KIAA2013: variants seen among roughly 807,000 people sequenced by gnomAD.
KIAA2013 encodes the protein KIAA2013.
In KIAA2013, 20 loss-of-function variants were observed where a neutral mutation model predicts 39.9. The ratio of observed to expected loss-of-function variants is 0.50; its 90% confidence interval spans 0.35 to 0.73. The LOEUF (loss-of-function observed/expected upper bound fraction) is 0.73. Among genes scored for constraint, KIAA2013 ranks in the 30% least tolerant of loss-of-function variants. The pLI, the probability that KIAA2013 is intolerant of heterozygous loss-of-function variation, is 0.01. For missense variants in KIAA2013, 587 were observed against 856.1 expected, an observed-to-expected ratio of 0.69 and a Z score of 3.92; for synonymous variants, 336 against 416.6, an observed-to-expected ratio of 0.81 and a Z score of 2.35.
chr1:11,920,571 G>A (rs1645468185), intron 2 of KIAA2013, among the ~76,000 whole-genome samples: 1 of 152,168 alleles, frequency 6.6e-6, no homozygotes, highest in Non-Finnish European at 1.5e-5. Flanking sequence ...CCCCATGAAG[G>A]TAGTTTGGCT....
intron 2 of KIAA2013, 80 bp downstream of exon 2, chr1:11,922,556 C>A (rs529579311): frequency 6.4e-7 from 1 of 1,569,624 alleles, no homozygotes; most frequent in Non-Finnish European, 8.6e-7. Flanking sequence ...CACCCCCCCT[C>A]GCCAGGCTAG....
At position 11,925,632 on chromosome 1, in the gene KIAA2013, G is replaced by A; in HGVS notation, c.606C>T (p.Tyr202=). 4 of 1,609,314 alleles carry A rather than the reference G, an allele frequency of 2.5e-6. No individual in the cohort carries two copies. The highest frequency in any genetic ancestry group is 3.4e-6 in the Non-Finnish European group (4 of 1,179,286). Residue 202 remains tyrosine, a synonymous_variant, in exon 1 of 3, where the codon TAC becomes TAT. Transcript: ENST00000376572. The surrounding 1 kb of genome is among the most constrained non-coding windows in gnomAD (Gnocchi z 5.2). ...FLAHRGRPHV[Y]LQRIQLNNPT... Reference sequence around the variant, plus strand: ...GGTTGTTGAGCTGGATGCGCTGCAGGTAGACGTGGGGTCGGCCCCTGTGCG... The same window carrying A: ...GGTTGTTGAGCTGGATGCGCTGCAGATAGACGTGGGGTCGGCCCCTGTGCG...
intron 1 of KIAA2013, among the ~76,000 whole-genome samples, chr1:11,924,869 T>G (rs1645496713): frequency 6.6e-6 from 1 of 152,066 alleles, no homozygotes; most frequent in South Asian, 2.1e-4. Context: ...CACCTGCTGG[T>G]TTCACCTCTG....
intron 1 of KIAA2013, among the ~76,000 whole-genome samples, chr1:11,924,314 C>A (rs1338667215): frequency 3.4e-5 from 5 of 147,336 alleles, no homozygotes; most frequent in Non-Finnish European, 6.0e-5. Context: ...TTGGCTTGAA[C>A]TCCTGACCTC....
At position 11,925,596 on chromosome 1, in the gene KIAA2013, G is replaced by A; in HGVS notation, c.642C>T (p.Arg214=). Residue 214 remains arginine, a synonymous_variant, in exon 1 of 3, where the codon CGC becomes CGT. Coordinates refer to ENST00000376572, the MANE Select transcript of KIAA2013 (RefSeq NM_138346.3). This position sits in a 1 kb window ranked among gnomAD's most constrained non-coding sequence, Gnocchi z 5.2. ...QRIQLNNPTE[R]VAALQTVGPT... The stretch of plus-strand genomic sequence containing the variant: ...GCCCCACAGTCTGCAGCGCGGCCAC[G>A]CGCTCCGTGGGGTTGTTGAGCTGGA... 1 of 1,609,700 alleles carries A rather than the reference G, an allele frequency of 6.2e-7. No individual in the cohort carries two copies. The highest frequency in any genetic ancestry group is 8.5e-7 in the Non-Finnish European group (1 of 1,179,344).
Position 11,925,780 on chromosome 1 carries a change from C to A in KIAA2013, c.458G>T (p.Arg153Leu). ...LLREGLLRRV[R>L]CLQLGSPGPG... ...ACCTGGGGACCCCAGCTGCAGGCAA[C>A]GCACGCGGCGCAGAAGCCCCTCCCG... is the stretch of plus-strand genomic sequence containing the variant. Residue 153 changes from arginine (R) to leucine (L), a missense_variant, in exon 1 of 3, where the codon CGT (arginine) becomes CTT (leucine). Arg to Leu is a moderately radical substitution (Grantham distance 102). Coordinates refer to ENST00000376572, the MANE Select transcript of KIAA2013 (RefSeq NM_138346.3). This position sits in a 1 kb window ranked among gnomAD's most constrained non-coding sequence, Gnocchi z 5.2. 6.5e-7 allele frequency: 1 copy of A among 1,543,688 alleles called. No individual in the cohort carries two copies. The highest frequency in any genetic ancestry group is 8.7e-7 in the Non-Finnish European group (1 of 1,152,464).
chr1:11,921,560 A>C (rs1451839031), intron 2 of KIAA2013, among the ~76,000 whole-genome samples: 1 of 150,836 alleles, frequency 6.6e-6, no homozygotes, highest in Non-Finnish European at 1.5e-5. Flanking sequence ...TTTATTTTTT[A>C]TTTTTTTGAG....
rs1645489943 is a variant in KIAA2013 at position 11,923,905 on chromosome 1, C to T, written c.1034-416G>A. On this transcript the variant is annotated intron_variant, in intron 1 of 2. Transcript: ENST00000376572. The surrounding 1 kb of genome is among the most constrained non-coding windows in gnomAD (Gnocchi z 4.6). The stretch of plus-strand genomic sequence containing the variant: ...TTATTTGTTTATTGAGACAGAGTCT[C>T]ACTGTGTTGCCCAGGCTTGAGTGCA... 1.3e-5 allele frequency among the ~76,000 whole-genome samples: 2 copies of T among 152,174 alleles called. No individual in the cohort carries two copies. The highest frequency in any genetic ancestry group is 4.1e-4 in the South Asian group (2 of 4,828).
Position 11,925,760 on chromosome 1 carries a change from G to A in KIAA2013, c.478C>T (p.Pro160Ser). Residue 160 changes from proline (P) to serine (S), a missense_variant, in exon 1 of 3, where the codon CCA (proline) becomes TCA (serine). Physicochemically the swap from Pro to Ser is moderately conservative, Grantham distance 74. Coordinates refer to ENST00000376572, the MANE Select transcript of KIAA2013 (RefSeq NM_138346.3). The surrounding 1 kb of genome is among the most constrained non-coding windows in gnomAD (Gnocchi z 5.2). ...CCGGCGGCCACGGGGCCAGGACCTG[G>A]GGACCCCAGCTGCAGGCAACGCACG... ...RRVRCLQLGS[P>S]GPGPVAAGPG... 6.5e-7 allele frequency: 1 copy of A among 1,546,104 alleles called. No homozygotes were observed. Among genetic ancestry groups the A allele is most frequent in the Non-Finnish European group, 8.7e-7 (1 of 1,153,550 alleles).
chr1:11,926,394 C>A lies in KIAA2013; in HGVS notation c.-157G>T, dbSNP rs1557474142. ...GCAGCAGCCGCCACCCCTGCTTCCT[C>A]CTTCTTCTCGGTGGCCTCCAGCCGT... On this transcript the variant is annotated 5_prime_UTR_variant, in exon 1 of 3. Coordinates refer to ENST00000376572, the MANE Select transcript of KIAA2013 (RefSeq NM_138346.3). 5.6e-6 allele frequency: 1 copy of A among 177,904 alleles called. No homozygotes were observed. Among genetic ancestry groups the A allele is most frequent in the South Asian group, 1.7e-4 (1 of 6,000 alleles). The allele number at this position is 177,904 out of a possible 1,614,324, so 11.0% of individuals were successfully genotyped here. A position where few individuals can be genotyped will look rare whatever the true frequency, so the allele number is the denominator to read the frequency against.
rs1569634800 is a variant in KIAA2013, at chr1:11,922,972, A to G, written c.1551T>C (p.Pro517=). ...LHVSVESRGQ[P]VKIYACKAGC... ...CTGCCTTGCAGGCATAGATCTTGACAGGCTGGCCACGGGACTCCACGGACA... is the reference window on the plus strand; with the variant it reads ...CTGCCTTGCAGGCATAGATCTTGACGGGCTGGCCACGGGACTCCACGGACA... The change falls in exon 2 of 3, where the codon CCT becomes CCC. Residue 517 remains proline (P), a synonymous_variant. Transcript: ENST00000376572. 6.2e-7 allele frequency: 1 copy of G among 1,612,460 alleles called. No homozygotes were observed. Among genetic ancestry groups the G allele is most frequent in the South Asian group, 1.1e-5 (1 of 91,042 alleles).
chr1:11,922,574 C>A lies in KIAA2013; in HGVS notation c.1887+62G>T, dbSNP rs80338593. On this transcript the variant is annotated intron_variant, in intron 2 of 2. Coordinates refer to ENST00000376572, the MANE Select transcript of KIAA2013 (RefSeq NM_138346.3). ...CCCCCCTCGCCAGGCTAGCCCCTTC[C>A]GAGACACAGGGCTGAGAGCAAGGCC... The A allele has an allele frequency of 1.9e-6, 3 of 1,589,008 alleles. No individual in the cohort carries two copies. The Admixed American group carries it at 5.4e-5, about 29-fold the overall frequency.
At position 11,926,182 on chromosome 1, in the gene KIAA2013, GC is replaced by G; in HGVS notation, c.55del (p.Ala19ProfsTer91). On this transcript the variant is annotated frameshift_variant, in exon 1 of 3. Transcript: ENST00000376572. LOFTEE classifies it high-confidence loss of function. ...GCCAAGCAGGCAGAGGAGGCGGCGG[GC>G]CCAGCTGCTCGACAGCAGTCCCGGC... ...GLPGLLSSSW[A>X]RRLLCLLGLL... The G allele has an allele frequency of 7.2e-7, 1 of 1,383,144 alleles. No homozygotes were observed. The highest frequency in any genetic ancestry group is 9.4e-7 in the Non-Finnish European group (1 of 1,060,200). 85.7% of individuals were successfully genotyped at this position (1,383,144 alleles called of 1,614,324 possible).
At chr1:11,924,850 CAG>C (rs1314967553) in intron 1 of KIAA2013, among the ~76,000 whole-genome samples, 2 of 152,276 alleles carry the variant, frequency 1.3e-5, no homozygotes, top group South Asian at 2.1e-4. Context: ...AGCAAAGAAT[CAG>C]GGGATCCACC....
chr1:11,921,549 A>T (rs9787351), intron 2 of KIAA2013, among the ~76,000 whole-genome samples: 10,330 of 151,052 alleles, frequency 0.068, 448 homozygotes, highest in South Asian at 0.13. Context: ...ATTATTTATT[A>T]TTTATTTTTT....
In KIAA2013 at chr1:11,925,241, C is replaced by T; in HGVS notation, c.997G>A (p.Asp333Asn). 1.2e-6 allele frequency: 2 copies of T among 1,602,922 alleles called. No homozygotes were observed. The highest frequency in any genetic ancestry group is 8.5e-7 in the Non-Finnish European group (1 of 1,173,924). Reference sequence around the variant, plus strand: ...AGCTGAGCCCAGAGGAGCTGGTGGTCTTGAAGCAGCTCCGCCGCTGGCATG... The same window carrying T: ...AGCTGAGCCCAGAGGAGCTGGTGGTTTTGAAGCAGCTCCGCCGCTGGCATG... ...LDMPAAELLQ[D>N]HQLLWAQLFS... Residue 333 changes from aspartate to asparagine, a missense_variant, in exon 1 of 3, where the codon GAC becomes AAC. Coordinates refer to ENST00000376572, the MANE Select transcript of KIAA2013 (RefSeq NM_138346.3). This position sits in a 1 kb window ranked among gnomAD's most constrained non-coding sequence, Gnocchi z 5.2.
Position 11,925,176 on chromosome 1 carries a change from G to C in KIAA2013, c.1033+29C>G, listed in dbSNP as rs1319253451. The C allele has an allele frequency of 9.1e-6, 14 of 1,538,664 alleles. No homozygotes were observed. The South Asian group carries it at 1.8e-4, about 19-fold the overall frequency. ...TGCAGACTTGGGAGGGACATATCTA[G>C]GGTGGACCAAGCGCTGGCCAGGACT... On this transcript the variant is annotated intron_variant, in intron 1 of 2. Coordinates refer to ENST00000376572, the MANE Select transcript of KIAA2013 (RefSeq NM_138346.3). This position sits in a 1 kb window ranked among gnomAD's most constrained non-coding sequence, Gnocchi z 5.2.
chr1:11,925,181 G>T lies in KIAA2013; in HGVS notation c.1033+24C>A. 6.5e-7 allele frequency: 1 copy of T among 1,540,898 alleles called. No homozygotes were observed. Among genetic ancestry groups the T allele is most frequent in the South Asian group, 1.3e-5 (1 of 79,324 alleles). On this transcript the variant is annotated intron_variant, in intron 1 of 2. Transcript: ENST00000376572. This position sits in a 1 kb window ranked among gnomAD's most constrained non-coding sequence, Gnocchi z 5.2. The stretch of plus-strand genomic sequence containing the variant: ...ACTTGGGAGGGACATATCTAGGGTG[G>T]ACCAAGCGCTGGCCAGGACTCACCT...
rs1645466158 is a variant in KIAA2013, at chr1:11,920,152, A to G, written c.*163T>C. The G allele has an allele frequency of 6.7e-5, 51 of 763,372 alleles. No individual in the cohort carries two copies. The South Asian group carries it at 7.7e-4, about 12-fold the overall frequency. The allele number at this position is 763,372 out of a possible 1,614,324, so 47.3% of individuals were successfully genotyped here. A position where few individuals can be genotyped will look rare whatever the true frequency, so the allele number is the denominator to read the frequency against. On this transcript the variant is annotated 3_prime_UTR_variant, in exon 3 of 3. Coordinates refer to ENST00000376572, the MANE Select transcript of KIAA2013 (RefSeq NM_138346.3). ...TCCCCACGTGACACTCATTCCTTCC[A>G]ATGCAAACTCTGGTGTATCCACACT...
Sources: allele counts gnomAD v4.1 joint callset (sites outside exome capture counted in the v4.1 genomes callset), GRCh38; gene constraint gnomAD v4.1.1; non-coding constraint Gnocchi (gnomAD v3.1); transcripts MANE v1.5; gene names NCBI Gene and HGNC (gene_info 2026-07-23, HGNC 2026-07-21).